PCSK5: variants seen among roughly 807,000 people sequenced by gnomAD.
PCSK5 encodes prohormone convertase 5.
In PCSK5, 129 loss-of-function variants were observed where a neutral mutation model predicts 233.2. That is an observed-to-expected ratio of 0.55 (90% CI 0.48 to 0.64). PCSK5 has a LOEUF of 0.64. Among genes scored for constraint, PCSK5 ranks in the 30% least tolerant of loss-of-function variants. The pLI is 0.00. For synonymous variants in PCSK5, 825 were observed against 879.2 expected (o/e 0.94, Z 1.09); for missense variants, 2,076 against 2,430.1 (o/e 0.85, Z 3.06).
At chr9:76,098,237 T>A (rs1234414674) in intron 8 of PCSK5, among the ~76,000 whole-genome samples, 1 of 152,232 alleles carries the variant, frequency 6.6e-6, no homozygotes, top group Non-Finnish European at 1.5e-5. Flanking sequence ...CTCCACAATG[T>A]CTGGGTTTAA....
At chr9:76,027,818 A>G (rs1186709049) in intron 5 of PCSK5, among the ~76,000 whole-genome samples, 3 of 152,190 alleles carry the variant, frequency 2.0e-5, no homozygotes, top group Non-Finnish European at 4.4e-5. Flanking sequence ...GCTCCTCAGG[A>G]TAATGCTGTA....
chr9:75,972,394 A>C (rs1322624009), intron 2 of PCSK5, among the ~76,000 whole-genome samples: 1 of 152,192 alleles, frequency 6.6e-6, no homozygotes, highest in Non-Finnish European at 1.5e-5. Flanking sequence ...ATTTTAAAGA[A>C]GTTTTTTCTA....
At chr9:76,197,372 G>A (rs73460320) in intron 20 of PCSK5, among the ~76,000 whole-genome samples, 1,713 of 152,128 alleles carry the variant, frequency 0.011, 36 homozygotes, top group African/African-American at 0.039. Flanking sequence ...ATTATTTTCC[G>A]CTGAATAAGC....
intron 10 of PCSK5, among the ~76,000 whole-genome samples, chr9:76,156,488 G>C (rs998777228): frequency 6.6e-6 from 1 of 152,128 alleles, no homozygotes; most frequent in Non-Finnish European, 1.5e-5. Flanking sequence ...ATGTCAGAAC[G>C]TTAGCATCTC....
At chr9:75,936,706 G>A (rs894903144) in intron 2 of PCSK5, among the ~76,000 whole-genome samples, 6 of 152,150 alleles carry the variant, frequency 3.9e-5, no homozygotes, top group Non-Finnish European at 8.8e-5. Flanking sequence ...AGTCATCCAT[G>A]AGGGTTGGAA....
chr9:76,310,692 G>A lies in PCSK5; in HGVS notation c.3725G>A (p.Cys1242Tyr). The change falls in exon 30 of 38, where the codon TGT (cysteine) becomes TAT (tyrosine). Residue 1242 changes from cysteine (C) to tyrosine (Y), a missense_variant. Cys to Tyr is a radical substitution (Grantham distance 194, BLOSUM62 -2). This residue lies in a region of PCSK5 where 1,510 missense variants were observed against 1,538.1 expected (regional missense o/e 0.98). Coordinates refer to ENST00000674117, the MANE Select transcript of PCSK5 (RefSeq NM_001372043.1). ...CTGGCTCAGGCCTGTGTTTCCTCCT[G>A]TCCCCAAGGCACATGGCCTTCCGTA... ...YLLAQACVSSCPQGTWPSVRS... is the reference protein window; with the variant it reads ...YLLAQACVSSYPQGTWPSVRS... 1 of 1,603,168 alleles carries A rather than the reference G, an allele frequency of 6.2e-7. No homozygotes were observed. Among genetic ancestry groups the A allele is most frequent in the Non-Finnish European group, 8.5e-7 (1 of 1,176,632 alleles).
At chr9:76,260,547 C>CT (rs1315222080) in intron 24 of PCSK5, among the ~76,000 whole-genome samples, 1 of 152,180 alleles carries the variant, frequency 6.6e-6, no homozygotes, top group Non-Finnish European at 1.5e-5. Context: ...CAGGTGGCAT[C>CT]TAAAAGCCAA....
chr9:76,187,862 C>T (rs1447118183), intron 17 of PCSK5, among the ~76,000 whole-genome samples: 2 of 152,034 alleles, frequency 1.3e-5, no homozygotes, highest in Non-Finnish European at 2.9e-5. Context: ...GTTTAGATAA[C>T]TCCCAGAAAC....
chr9:76,139,572 A>AATC (rs1386919446), intron 10 of PCSK5, among the ~76,000 whole-genome samples: 2 of 152,054 alleles, frequency 1.3e-5, no homozygotes, highest in Non-Finnish European at 2.9e-5. Context: ...TCCTACTTGA[A>AATC]AAGACAGAGG....
intron 33 of PCSK5, among the ~76,000 whole-genome samples, chr9:76,329,571 A>G (rs2131476595): frequency 6.6e-6 from 1 of 152,230 alleles, no homozygotes; most frequent in Non-Finnish European, 1.5e-5. Flanking sequence ...ACGGTGGCTC[A>G]CACCTGTAAT....
intron 12 of PCSK5, among the ~76,000 whole-genome samples, chr9:76,167,599 T>C (rs1380512412): frequency 6.6e-6 from 1 of 152,236 alleles, no homozygotes; most frequent in East Asian, 1.9e-4. Flanking sequence ...TTTAGAATCC[T>C]GCTGGCATTT....
At chr9:75,980,227 C>T (rs9314836) in intron 2 of PCSK5, among the ~76,000 whole-genome samples, 19,457 of 152,102 alleles carry the variant, frequency 0.13, 1,261 homozygotes, top group African/African-American at 0.16. Context: ...TTTCTATAAA[C>T]AAAATATAGC....
At chr9:76,053,800 G>A (rs1829721675) in intron 5 of PCSK5, among the ~76,000 whole-genome samples, 1 of 152,102 alleles carries the variant, frequency 6.6e-6, no homozygotes, top group Non-Finnish European at 1.5e-5. Context: ...CAAGTCTCTA[G>A]GAAGTTCCAA....
At position 76,139,882 on chromosome 9, in the gene PCSK5, C is replaced by T. The variant is rs1338745; in HGVS notation, c.1312+5670C>T. On this transcript the variant is annotated intron_variant, in intron 10 of 37. Transcript: ENST00000674117. ...TTGCCTGGTAGATGATTTACCCAAACATCTCCATGGGAATATAGAAGCCCT... is the reference window on the plus strand; with the variant it reads ...TTGCCTGGTAGATGATTTACCCAAATATCTCCATGGGAATATAGAAGCCCT... 5.0e-3 allele frequency among the ~76,000 whole-genome samples: 762 copies of T among 152,234 alleles called. 10 individuals carry two copies. Among genetic ancestry groups the T allele is most frequent in the African/African-American group, 0.017 (698 of 41,572 alleles).
intron 31 of PCSK5, 87 bp downstream of exon 31, chr9:76,321,726 G>C: frequency 2.6e-6 from 2 of 765,660 alleles, no homozygotes; most frequent in South Asian, 3.4e-5. Context: ...GCAAAGAGCT[G>C]TGGGAACCAG....
intron 1 of PCSK5, among the ~76,000 whole-genome samples, chr9:75,907,659 C>T (rs1826316848): frequency 6.6e-6 from 1 of 152,130 alleles, no homozygotes; most frequent in Non-Finnish European, 1.5e-5. Context: ...TATTGCTTCT[C>T]TGTGGATCTT....
intron 1 of PCSK5, among the ~76,000 whole-genome samples, chr9:75,917,976 CCTGGGAATTT>C (rs1823077638): frequency 6.6e-6 from 1 of 152,006 alleles, no homozygotes; most frequent in East Asian, 1.9e-4. Context: ...ATGCATGTCA[CCTGGGAATTT>C]TTAGTTCTGA....
chr9:76,328,910 G>C (rs1206234170), intron 33 of PCSK5, among the ~76,000 whole-genome samples: 4 of 151,466 alleles, frequency 2.6e-5, no homozygotes, highest in Non-Finnish European at 5.9e-5. Context: ...CTGGGTTCAA[G>C]CAATTGTCAT....
At chr9:75,915,951 G>T (rs988601866) in intron 1 of PCSK5, among the ~76,000 whole-genome samples, 17 of 152,126 alleles carry the variant, frequency 1.1e-4, no homozygotes, top group African/African-American at 3.9e-4. Flanking sequence ...CTATTTTGTG[G>T]ATACAAACAT....
Sources: allele counts gnomAD v4.1 joint callset (sites outside exome capture counted in the v4.1 genomes callset), GRCh38; gene constraint gnomAD v4.1.1; regional missense constraint gnomAD v4.1.1; transcripts MANE v1.5; gene names NCBI Gene and HGNC (gene_info 2026-07-23, HGNC 2026-07-21).